Variants in SCHIP1 observed in about 807,000 individuals in gnomAD.
SCHIP1 encodes schwannomin-interacting protein 1.
A neutral mutation model predicts 29.7 loss-of-function variants in SCHIP1; 8 were observed. That is an observed-to-expected ratio of 0.27 (90% CI 0.16 to 0.49). The LOEUF (loss-of-function observed/expected upper bound fraction) is 0.49, where lower values mean the gene tolerates loss of function less well. Ranked by LOEUF, SCHIP1 falls within the 20% of genes least tolerant of loss-of-function variation. The pLI, the probability that SCHIP1 is intolerant of heterozygous loss-of-function variation, is 0.99. For synonymous variants in SCHIP1, 76 were observed against 94.9 expected (o/e 0.80, Z 1.16); for missense variants, 193 against 294.6 (o/e 0.66, Z 2.52).
chr3:159,423,455 C>G, the SCHIP1 span, among the ~76,000 whole-genome samples: 9 of 152,226 alleles, frequency 5.9e-5, no homozygotes, highest in Non-Finnish European at 1.3e-4. Context: ...TTGCTGATCA[C>G]TAGCACAGAA....
At chr3:159,695,612 A>G in the SCHIP1 span, among the ~76,000 whole-genome samples, 4 of 152,200 alleles carry the variant, frequency 2.6e-5, no homozygotes, top group Non-Finnish European at 5.9e-5. Context: ...AGGGCCTAAC[A>G]GGGTACAATA....
chr3:159,526,842 C>T, the SCHIP1 span, among the ~76,000 whole-genome samples: 1 of 152,332 alleles, frequency 6.6e-6, no homozygotes, highest in African/African-American at 2.4e-5. Flanking sequence ...TGGTCTCTTT[C>T]CCTGCTGACA....
At chr3:159,511,434 G>T in the SCHIP1 span, among the ~76,000 whole-genome samples, 2 of 152,106 alleles carry the variant, frequency 1.3e-5, no homozygotes, top group South Asian at 4.1e-4. Context: ...GCAATGCCTC[G>T]CCCTGCTTCA....
At chr3:159,683,880 T>C in the SCHIP1 span, among the ~76,000 whole-genome samples, 106 of 152,246 alleles carry the variant, frequency 7.0e-4, 1 homozygote, top group African/African-American at 2.5e-3. Flanking sequence ...CTATGCCCCT[T>C]CCCTGTCTGC....
At chr3:159,657,855 G>C in the SCHIP1 span, among the ~76,000 whole-genome samples, 1 of 152,226 alleles carries the variant, frequency 6.6e-6, no homozygotes, top group Non-Finnish European at 1.5e-5. Flanking sequence ...TGGAACACAG[G>C]ATGCTTGGAA....
chr3:159,414,898 G>A, the SCHIP1 span, among the ~76,000 whole-genome samples: 1 of 152,084 alleles, frequency 6.6e-6, no homozygotes, highest in East Asian at 1.9e-4. Context: ...GATCTGACAG[G>A]AGCTGAGTTC....
intron 1 of SCHIP1, among the ~76,000 whole-genome samples, chr3:159,841,614 A>G (rs147288698): frequency 0.013 from 1,998 of 152,332 alleles, 39 homozygotes; most frequent in African/African-American, 0.046. Context: ...AGATTATTCC[A>G]TATGTCTTTT....
At chr3:159,746,946 A>C in the SCHIP1 span, among the ~76,000 whole-genome samples, 3 of 152,166 alleles carry the variant, frequency 2.0e-5, no homozygotes, top group African/African-American at 7.2e-5. Context: ...ACATTGAGTT[A>C]AACACCTCTC....
chr3:159,312,908 G>C, the SCHIP1 span, among the ~76,000 whole-genome samples: 1 of 152,320 alleles, frequency 6.6e-6, no homozygotes, highest in Admixed American at 6.5e-5. Context: ...TCAATAGTCA[G>C]CTAGAAAGCA....
the SCHIP1 span, among the ~76,000 whole-genome samples, chr3:159,353,439 A>G: frequency 1.3e-5 from 2 of 152,270 alleles, no homozygotes; most frequent in African/African-American, 4.8e-5. Flanking sequence ...TTGGTTTTCT[A>G]CTTGTACTTA....
chr3:159,853,454 A>G (rs1313139833), intron 1 of SCHIP1: 5 of 697,598 alleles, frequency 7.2e-6, no homozygotes, highest in Non-Finnish European at 1.3e-5. Flanking sequence ...GGAATTATAA[A>G]AAGGTAAGGG....
chr3:159,676,139 A>T, the SCHIP1 span, among the ~76,000 whole-genome samples: 1 of 152,104 alleles, frequency 6.6e-6, no homozygotes, highest in Admixed American at 6.5e-5. Context: ...TCAAAAAAAA[A>T]TTTTACATAT....
At chr3:159,888,860 G>T (rs969356582) in exon 5 of SCHIP1, 2 of 1,613,976 alleles carry the variant, frequency 1.2e-6, no homozygotes, top group African/African-American at 1.3e-5. Context: ...TTGATGAAAA[G>T]AAGTTTAAAA....
the SCHIP1 span, among the ~76,000 whole-genome samples, chr3:159,828,421 A>ATATATACG: frequency 1.6e-4 from 16 of 97,200 alleles, 2 homozygotes; most frequent in Admixed American, 6.3e-4. Context: ...ATATATACGT[A>ATATATACG]TATATATACG....
At chr3:159,601,486 C>T in the SCHIP1 span, among the ~76,000 whole-genome samples, 1 of 152,166 alleles carries the variant, frequency 6.6e-6, no homozygotes, top group African/African-American at 2.4e-5. Context: ...CCCTCCGGCC[C>T]ACCCACCCTA....
At chr3:159,850,562 A>G (rs1469007468) in intron 1 of SCHIP1, among the ~76,000 whole-genome samples, 2 of 151,842 alleles carry the variant, frequency 1.3e-5, no homozygotes, top group Non-Finnish European at 2.9e-5. Flanking sequence ...AAAAAAAAAA[A>G]AAAAGGAAAT....
the SCHIP1 span, among the ~76,000 whole-genome samples, chr3:159,292,365 T>A: frequency 6.6e-6 from 1 of 152,202 alleles, no homozygotes; most frequent in East Asian, 1.9e-4. Flanking sequence ...AATAAGAATG[T>A]TGAATTTATA....
the SCHIP1 span, among the ~76,000 whole-genome samples, chr3:159,324,422 T>G: frequency 2.0e-5 from 3 of 152,192 alleles, no homozygotes; most frequent in African/African-American, 7.2e-5. Flanking sequence ...GCCTGTCTGA[T>G]AGGTAAAAAT....
At chr3:159,417,641 T>G in the SCHIP1 span, among the ~76,000 whole-genome samples, 1 of 152,204 alleles carries the variant, frequency 6.6e-6, no homozygotes, top group Non-Finnish European at 1.5e-5. Flanking sequence ...GGCATGGCAC[T>G]CTGCAATGAT....
Sources: allele counts gnomAD v4.1 joint callset (sites outside exome capture counted in the v4.1 genomes callset), GRCh38; gene constraint gnomAD v4.1.1; transcripts MANE v1.5; gene names NCBI Gene and HGNC (gene_info 2026-07-23, HGNC 2026-07-21).